SKI: variants seen among roughly 807,000 people sequenced by gnomAD.
SKI encodes the protein SKI proto-oncogene, also known as ski oncogene.
In SKI, 23 loss-of-function variants were observed where a neutral mutation model predicts 59.3. That is an observed-to-expected ratio of 0.39 (90% CI 0.28 to 0.55). SKI has a LOEUF of 0.55. SKI is among the 20% of genes least tolerant of loss of function. SKI has a pLI of 0.67. For synonymous variants in SKI, 673 were observed against 488.6 expected (o/e 1.38, Z -4.98); for missense variants, 1,017 against 1,038.9 (o/e 0.98, Z 0.29).
rs750391739 is a variant in SKI at position 2,229,453 on chromosome 1, G to T, written c.687G>T (p.Lys229Asn). ...RVYHECFGKC[K>N]GLLVPELYSS... ...ACCACGAGTGCTTCGGCAAGTGTAAGGGGCTGCTGGTGCCCGAGCTCTACA... is the reference window on the plus strand; with the variant it reads ...ACCACGAGTGCTTCGGCAAGTGTAATGGGCTGCTGGTGCCCGAGCTCTACA... Residue 229 changes from lysine (K) to asparagine (N), a missense_variant, in exon 1 of 7, where the codon AAG (lysine) becomes AAT (asparagine). Transcript: ENST00000378536. This position sits in a 1 kb window ranked among gnomAD's most constrained non-coding sequence, Gnocchi z 6.3. 6.2e-7 allele frequency: 1 copy of T among 1,612,156 alleles called. No individual in the cohort carries two copies. The highest frequency in any genetic ancestry group is 1.1e-5 in the South Asian group (1 of 91,054).
At chr1:2,254,486 A>G (rs910662265) in intron 1 of SKI, among the ~76,000 whole-genome samples, 2 of 152,188 alleles carry the variant, frequency 1.3e-5, no homozygotes, top group Admixed American at 1.3e-4. Context: ...TTAGATGTCT[A>G]CTGGACTGCT....
chr1:2,245,750 A>G (rs777460967), intron 1 of SKI, among the ~76,000 whole-genome samples: 1 of 146,704 alleles, frequency 6.8e-6, no homozygotes, highest in East Asian at 2.0e-4. Flanking sequence ...TGCTGGGATT[A>G]CAAGCGTCAG....
chr1:2,275,005 A>G (rs10797418), intron 1 of SKI, among the ~76,000 whole-genome samples: 45,607 of 152,038 alleles, frequency 0.3, 7,315 homozygotes, highest in East Asian at 0.48. Context: ...GTGTGTCAGC[A>G]GGTGGAGGCT....
intron 1 of SKI, among the ~76,000 whole-genome samples, chr1:2,236,795 T>C (rs1300329299): frequency 6.6e-6 from 1 of 152,196 alleles, no homozygotes; most frequent in Non-Finnish European, 1.5e-5. Context: ...GGGAAGTTGC[T>C]GGAATATTAT....
chr1:2,288,441 A>C (rs17372827), intron 1 of SKI, among the ~76,000 whole-genome samples: 7,370 of 152,340 alleles, frequency 0.048, 246 homozygotes, highest in Non-Finnish European at 0.076. Flanking sequence ...ACTTAAAGGT[A>C]CATGTTCCGA....
At chr1:2,253,310 A>G (rs1001457810) in intron 1 of SKI, among the ~76,000 whole-genome samples, 24 of 152,100 alleles carry the variant, frequency 1.6e-4, no homozygotes, top group African/African-American at 5.3e-4. Context: ...TGGGCTCCAG[A>G]GCACCCAGGC....
intron 1 of SKI, among the ~76,000 whole-genome samples, chr1:2,298,951 C>G (rs1432712807): frequency 6.6e-6 from 1 of 152,160 alleles, no homozygotes; most frequent in East Asian, 1.9e-4. Flanking sequence ...GCTGCCTTCT[C>G]TAGTTGGGTG....
Position 2,301,223 on chromosome 1 carries a change from C to T in SKI, c.970-1755C>T, listed in dbSNP as rs375044817. ...TAGGATGGCACCCGCCCCTGCCAGG[C>T]ATAGGCACAGCACCCTGCGGTCAGG... On this transcript the variant is annotated intron_variant, in intron 1 of 6. Coordinates refer to ENST00000378536, the MANE Select transcript of SKI (RefSeq NM_003036.4). 1.1e-4 allele frequency among the ~76,000 whole-genome samples: 17 copies of T among 152,362 alleles called. No individual in the cohort carries two copies. The South Asian group carries it at 3.1e-3, about 28-fold the overall frequency.
At chr1:2,290,347 G>C (rs930241939) in intron 1 of SKI, among the ~76,000 whole-genome samples, 2 of 152,290 alleles carry the variant, frequency 1.3e-5, no homozygotes, top group Admixed American at 6.5e-5. Flanking sequence ...GAGCTGATTG[G>C]GGGTAGGCCA....
At chr1:2,305,899 G>A in intron 5 of SKI, 121 bp from the exon 6 acceptor site, 1 of 810,268 alleles carries the variant, frequency 1.2e-6, no homozygotes. Flanking sequence ...CGCTGGGGGC[G>A]GGGCTCCAGG....
At chr1:2,242,787 T>G (rs1329249533) in intron 1 of SKI, among the ~76,000 whole-genome samples, 1 of 152,244 alleles carries the variant, frequency 6.6e-6, no homozygotes, top group African/African-American at 2.4e-5. Context: ...CCCAAAGTGC[T>G]GTGAGCCACC....
In SKI at chr1:2,228,947, C is replaced by T; in HGVS notation, c.181C>T (p.Pro61Ser). 7.2e-7 allele frequency: 1 copy of T among 1,394,856 alleles called. No individual in the cohort carries two copies. The highest frequency in any genetic ancestry group is 9.3e-7 in the Non-Finnish European group (1 of 1,075,110). 86.4% of individuals were successfully genotyped at this position (1,394,856 alleles called of 1,614,324 possible). ...SAKEAGAAAVPAPVPAATEPP... is the reference protein window; with the variant it reads ...SAKEAGAAAVSAPVPAATEPP... ...CAAGGAGGCGGGCGCGGCCGCGGTG[C>T]CGGCGCCGGTGCCCGCAGCCACCGA... The change falls in exon 1 of 7, where the codon CCG becomes TCG. Residue 61 changes from proline to serine, a missense_variant. Transcript: ENST00000378536.
intron 1 of SKI, among the ~76,000 whole-genome samples, chr1:2,233,263 GA>G (rs1638682172): frequency 6.8e-6 from 1 of 147,936 alleles, no homozygotes; most frequent in South Asian, 2.2e-4. Context: ...AGAGGTCCGG[GA>G]TCCTGTTCTG....
Position 2,304,571 on chromosome 1 carries a change from C to T in SKI, c.1753C>T (p.Arg585Cys), listed in dbSNP as rs758469054. 2 of 1,558,790 alleles carry T rather than the reference C, an allele frequency of 1.3e-6. No homozygotes were observed. The highest frequency in any genetic ancestry group is 1.4e-5 in the African/African-American group (1 of 73,454). Residue 585 changes from arginine (R) to cysteine (C), a missense_variant, in exon 5 of 7, where the codon CGC (arginine) becomes TGC (cysteine). Arg to Cys is a radical substitution (Grantham distance 180, BLOSUM62 -3). Coordinates refer to ENST00000378536, the MANE Select transcript of SKI (RefSeq NM_003036.4). The stretch of plus-strand genomic sequence containing the variant: ...GCTCAGCGCAGCCCTGCAGGCCAAG[C>T]GCAGCCTCCACCAGGTGAGCGGGGC... The part of the protein sequence containing the change: ...EKLSAALQAK[R>C]SLHQELEFLR...
chr1:2,260,012 T>G (rs892940426), intron 1 of SKI, among the ~76,000 whole-genome samples: 2 of 152,222 alleles, frequency 1.3e-5, no homozygotes, highest in Non-Finnish European at 2.9e-5. Context: ...ACGGTTTTAT[T>G]TCCCTGGATA....
At chr1:2,242,169 TG>T (rs1638894640) in intron 1 of SKI, among the ~76,000 whole-genome samples, 1 of 152,228 alleles carries the variant, frequency 6.6e-6, no homozygotes, top group Non-Finnish European at 1.5e-5. Flanking sequence ...TCCCTTGGTG[TG>T]GCCCCCAGCC....
chr1:2,234,473 G>A (rs747489524), intron 1 of SKI, among the ~76,000 whole-genome samples: 23 of 152,200 alleles, frequency 1.5e-4, no homozygotes, highest in Non-Finnish European at 2.1e-4. Context: ...CTGAGTCTCC[G>A]GGTGAGGGCA....
At chr1:2,290,944 G>T (rs977452554) in intron 1 of SKI, among the ~76,000 whole-genome samples, 4 of 152,244 alleles carry the variant, frequency 2.6e-5, no homozygotes, top group Admixed American at 1.3e-4. Context: ...CTCTCATTCT[G>T]GATGGAAAGG....
intron 1 of SKI, among the ~76,000 whole-genome samples, chr1:2,264,236 T>C (rs1210048666): frequency 6.6e-6 from 1 of 152,170 alleles, no homozygotes; most frequent in African/African-American, 2.4e-5. Context: ...TAGGTTGACT[T>C]CAAAAAGTTT....
Sources: gnomAD v4.1 joint callset for allele counts (sites outside exome capture counted in the v4.1 genomes callset) on GRCh38, gnomAD v4.1.1 for gene constraint, Gnocchi (gnomAD v3.1) non-coding constraint, MANE v1.5 for transcripts, NCBI Gene and HGNC (gene_info 2026-07-23, HGNC 2026-07-21) for gene names.